SLC25A43: variants seen among roughly 807,000 people sequenced by gnomAD.
SLC25A43 encodes the protein solute carrier family 25 member 43, also known as solute carrier family 25, member 43.
Under a neutral mutation model 22.8 loss-of-function variants are expected in SLC25A43, and 10 were observed. That is an observed-to-expected ratio of 0.44 (90% CI 0.27 to 0.74). The LOEUF is 0.74. Ranked by LOEUF, SLC25A43 falls within the 30% of genes least tolerant of loss-of-function variation. The pLI is 0.17. For synonymous variants in SLC25A43, 106 were observed against 121.6 expected, an observed-to-expected ratio of 0.87 and a Z score of 0.84; for missense variants, 233 against 279.1, an observed-to-expected ratio of 0.83 and a Z score of 1.18.
chrX:119,426,181 G>A, intron 3 of SLC25A43: 1 of 754,759 alleles, frequency 1.3e-6, no homozygotes, highest in Admixed American at 8.6e-5. Context: ...TTTTTCCACA[G>A]AGCTGTTGCT....
chrX:119,419,696 T>A (rs1313502266), intron 3 of SLC25A43, among the ~76,000 whole-genome samples: 2 of 111,911 alleles, frequency 1.8e-5, no homozygotes, highest in South Asian at 7.5e-4. Context: ...TCTAACTTAA[T>A]GTGCATCAAG....
intron 4 of SLC25A43, 99 bp downstream of exon 4, chrX:119,452,242 C>T (rs1215673096): frequency 1.0e-6 from 1 of 987,779 alleles, no homozygotes; most frequent in Non-Finnish European, 1.4e-6. Context: ...CTTGGAAAAC[C>T]CCCTCTAGCA....
At chrX:119,423,720 G>A (rs1319111558) in intron 3 of SLC25A43, 2 of 109,544 alleles carry the variant, frequency 1.8e-5, no homozygotes, top group East Asian at 2.8e-4. Flanking sequence ...CCTTCCCTGC[G>A]ATTAAGAAAT....
chrX:119,412,760 T>C (rs1377868294), intron 3 of SLC25A43, among the ~76,000 whole-genome samples: 2 of 112,449 alleles, frequency 1.8e-5, no homozygotes, highest in Non-Finnish European at 1.9e-5. Flanking sequence ...TAATTATATC[T>C]ATTACTTTTT....
intron 3 of SLC25A43, among the ~76,000 whole-genome samples, chrX:119,419,691 C>T (rs1430615293): frequency 1.8e-5 from 2 of 111,902 alleles, no homozygotes; most frequent in African/African-American, 6.5e-5. Context: ...TCACCTCTAA[C>T]TTAATGTGCA....
chrX:119,412,069 C>T (rs997527562), intron 3 of SLC25A43, among the ~76,000 whole-genome samples: 15 of 110,871 alleles, frequency 1.4e-4, no homozygotes, highest in Non-Finnish European at 2.8e-4. Context: ...AACTTGTCCT[C>T]GCTTGCTCAA....
chrX:119,441,447 G>C (rs1357691565), intron 3 of SLC25A43, among the ~76,000 whole-genome samples: 3 of 108,130 alleles, frequency 2.8e-5, no homozygotes, highest in Non-Finnish European at 5.8e-5. Flanking sequence ...CTCACGCTGG[G>C]AGCTGTAGAC....
chrX:119,452,079 G>A lies in SLC25A43; in HGVS notation c.761G>A (p.Arg254Gln), dbSNP rs750413642. ...VHFSGAVDCF[R>Q]QIVKAQGVLG... ...TTCTCAGGAGCAGTGGACTGCTTCCGGCAGATAGTGAAGGCCCAGGGGGTC... is the reference window on the plus strand; with the variant it reads ...TTCTCAGGAGCAGTGGACTGCTTCCAGCAGATAGTGAAGGCCCAGGGGGTC... The change falls in exon 4 of 5, where the codon CGG becomes CAG. Residue 254 changes from arginine (R) to glutamine (Q), a missense_variant. Arg to Gln is a conservative substitution (Grantham distance 43). Transcript: ENST00000217909. 140 of 1,208,439 alleles carry A rather than the reference G, an allele frequency of 1.2e-4. No individual in the cohort carries two copies. The highest frequency in any genetic ancestry group is 5.9e-4 in the Admixed American group (27 of 45,497).
intron 3 of SLC25A43, among the ~76,000 whole-genome samples, chrX:119,415,325 A>G (rs894691177): frequency 2.7e-5 from 3 of 110,788 alleles, no homozygotes; most frequent in Non-Finnish European, 5.7e-5. Context: ...ACCCATCTCA[A>G]ACTCCCAAAG....
chrX:119,429,325 C>T (rs149902116), intron 3 of SLC25A43, among the ~76,000 whole-genome samples: 1,560 of 111,591 alleles, frequency 0.014, 31 homozygotes, highest in African/African-American at 0.048. Context: ...GCTGGGATTA[C>T]AGGCGTGAGC....
At chrX:119,442,330 T>C (rs1488318500) in intron 3 of SLC25A43, among the ~76,000 whole-genome samples, 1 of 112,066 alleles carries the variant, frequency 8.9e-6, no homozygotes, top group Non-Finnish European at 1.9e-5. Flanking sequence ...ACTTAGTGTC[T>C]TTTTGTTTTA....
At chrX:119,424,999 A>T (rs1319002353) in intron 3 of SLC25A43, among the ~76,000 whole-genome samples, 2 of 112,405 alleles carry the variant, frequency 1.8e-5, no homozygotes, top group African/African-American at 6.5e-5. Context: ...TTGGGAGGAC[A>T]CAAACACTCA....
In SLC25A43 at chrX:119,404,432, G is replaced by C. The variant is rs192288502; in HGVS notation, c.276-2028G>C. Among the ~76,000 whole-genome samples, 707 of 111,943 alleles carry C rather than the reference G, an allele frequency of 6.3e-3. 26 individuals are homozygous for C. Among genetic ancestry groups the C allele is most frequent in the Admixed American group, 0.063 (660 of 10,538 alleles). On this transcript the variant is annotated intron_variant, in intron 1 of 4. Coordinates refer to ENST00000217909, the MANE Select transcript of SLC25A43 (RefSeq NM_145305.3). The stretch of plus-strand genomic sequence containing the variant: ...TTAATGTTTACCAGTTAACTACAGA[G>C]GATACCACAAAGGATACAGAGAAGA...
chrX:119,411,491 ACT>A (rs1381066124), intron 3 of SLC25A43, among the ~76,000 whole-genome samples: 1 of 99,670 alleles, frequency 1.0e-5, no homozygotes, highest in Non-Finnish European at 2.0e-5. Context: ...CAAGAGCAAA[ACT>A]CTGTCTCAAA....
Position 119,435,132 on chromosome X carries a change from C to A in SLC25A43, c.691-16877C>A, listed in dbSNP as rs187624715. Among the ~76,000 whole-genome samples, 644 of 111,250 alleles carry A rather than the reference C, an allele frequency of 5.8e-3. 6 individuals are homozygous for A. The highest frequency in any genetic ancestry group is 0.02 in the African/African-American group (623 of 30,586). On this transcript the variant is annotated intron_variant, in intron 3 of 4. Coordinates refer to ENST00000217909, the MANE Select transcript of SLC25A43 (RefSeq NM_145305.3). ...GGGATTACAGGCGTGAGCCACTGCA[C>A]CCAACTTAAAAAATATTTTTTTAAA...
chrX:119,447,730 T>C (rs1389967105), intron 3 of SLC25A43, among the ~76,000 whole-genome samples: 1 of 111,051 alleles, frequency 9.0e-6, no homozygotes, highest in Non-Finnish European at 1.9e-5. Context: ...CCACCTTCAC[T>C]TGGCTTCCTG....
chrX:119,424,086 G>A (rs2052481637), intron 3 of SLC25A43, among the ~76,000 whole-genome samples: 2 of 108,892 alleles, frequency 1.8e-5, no homozygotes, highest in Admixed American at 2.0e-4. Flanking sequence ...GGTGGTGGGC[G>A]CCTGTGGTCC....
At chrX:119,411,500 C>CA (rs776366223) in intron 3 of SLC25A43, among the ~76,000 whole-genome samples, 7,390 of 52,380 alleles carry the variant, frequency 0.14, 489 homozygotes, top group African/African-American at 0.28. Context: ...AACTCTGTCT[C>CA]AAAAAAAAAA....
intron 3 of SLC25A43, among the ~76,000 whole-genome samples, chrX:119,411,200 T>A (rs181365124): frequency 1.6e-4 from 18 of 111,063 alleles, no homozygotes; most frequent in African/African-American, 5.9e-4. Flanking sequence ...GGAACTGCAT[T>A]TAAAATGTGG....
Sources: allele counts gnomAD v4.1 joint callset (sites outside exome capture counted in the v4.1 genomes callset), GRCh38; gene constraint gnomAD v4.1.1; transcripts MANE v1.5; gene names NCBI Gene and HGNC (gene_info 2026-07-23, HGNC 2026-07-21).